The following MCTP1 variants were observed in gnomAD, a reference collection of about 807,000 sequenced individuals.
MCTP1 encodes the protein multiple C2 and transmembrane domain containing 1.
In MCTP1, 69 loss-of-function variants were observed where a neutral mutation model predicts 120.6. The ratio of observed to expected loss-of-function variants is 0.57; its 90% CI spans 0.47 to 0.70. The LOEUF (loss-of-function observed/expected upper bound fraction) is 0.70. Ranked by LOEUF, MCTP1 falls within the 30% of genes least tolerant of loss-of-function variation. The pLI, the probability that MCTP1 is intolerant of heterozygous loss-of-function variation, is 0.00. For missense variants in MCTP1, 1,203 were observed against 1,248.8 expected (o/e 0.96, Z 0.55); for synonymous variants, 529 against 493.1 (o/e 1.07, Z -0.96).
Position 95,213,171 on chromosome 5 carries a change from G to A in MCTP1, c.720+70685C>T, listed in dbSNP as rs1185107554. Among the ~76,000 whole-genome samples the A allele has an allele frequency of 2.0e-5, 3 of 152,246 alleles. No homozygotes were observed. In the East Asian group the frequency reaches 5.8e-4, roughly 29 times the overall value. On this transcript the variant is annotated intron_variant, in intron 1 of 22. Coordinates refer to ENST00000515393, the MANE Select transcript of MCTP1 (RefSeq NM_024717.7). ...GATAAGCAACTTCAGCAAAGTCTCA[G>A]GATACAAAATCAGTGCACAAAATCA...
intron 1 of MCTP1, among the ~76,000 whole-genome samples, chr5:95,099,210 G>A (rs1484897999): frequency 2.6e-5 from 4 of 152,148 alleles, no homozygotes; most frequent in African/African-American, 4.8e-5. Flanking sequence ...ACATAGGCAC[G>A]GGCAAGGACT....
intron 5 of MCTP1, among the ~76,000 whole-genome samples, chr5:94,937,592 A>C (rs764412677): frequency 8.5e-5 from 13 of 152,070 alleles, no homozygotes; most frequent in Admixed American, 2.0e-4. Flanking sequence ...TTTAAAAATA[A>C]GTTTGAGCAA....
chr5:95,240,016 T>C (rs933345108), intron 1 of MCTP1, among the ~76,000 whole-genome samples: 1 of 152,168 alleles, frequency 6.6e-6, no homozygotes, highest in Non-Finnish European at 1.5e-5. Context: ...AAATATACTA[T>C]GATCTCATCT....
At chr5:95,024,635 A>C (rs974179111) in intron 1 of MCTP1, among the ~76,000 whole-genome samples, 1 of 127,170 alleles carries the variant, frequency 7.9e-6, no homozygotes, top group African/African-American at 2.8e-5. Context: ...GAAAGAAATG[A>C]AAGGCATTCA....
chr5:94,847,609 G>T (rs1326582932), intron 17 of MCTP1, among the ~76,000 whole-genome samples: 2 of 150,660 alleles, frequency 1.3e-5, no homozygotes, highest in East Asian at 2.0e-4. Flanking sequence ...GTAGGAGGGG[G>T]TAAAAATCTT....
chr5:94,733,771 C>T (rs907487067), intron 19 of MCTP1, among the ~76,000 whole-genome samples: 1 of 152,026 alleles, frequency 6.6e-6, no homozygotes, highest in Admixed American at 6.6e-5. Context: ...CGAGACCAGC[C>T]TGGCCAATAT....
chr5:95,264,440 C>A (rs1257641034), intron 1 of MCTP1, among the ~76,000 whole-genome samples: 1 of 152,212 alleles, frequency 6.6e-6, no homozygotes, highest in African/African-American at 2.4e-5. Context: ...TCTCCCTCTC[C>A]AAGGCAGTGC....
intron 9 of MCTP1, 90 bp downstream of exon 9, chr5:94,912,716 A>G: frequency 9.8e-7 from 1 of 1,024,906 alleles, no homozygotes; most frequent in South Asian, 2.3e-5. Flanking sequence ...CATTTAAAAC[A>G]TTATCTAGTG....
At chr5:94,953,648 A>G (rs955988906) in intron 2 of MCTP1, among the ~76,000 whole-genome samples, 1 of 150,664 alleles carries the variant, frequency 6.6e-6, no homozygotes, top group East Asian at 1.9e-4. Context: ...TACCCAAAGG[A>G]AAAGAAATCA....
chr5:95,234,976 A>G (rs1389931442), intron 1 of MCTP1, among the ~76,000 whole-genome samples: 1 of 152,120 alleles, frequency 6.6e-6, no homozygotes, highest in Non-Finnish European at 1.5e-5. Flanking sequence ...ATACATCCCA[A>G]CTAATTCTAT....
chr5:95,028,709 A>T (rs975978669), intron 1 of MCTP1, among the ~76,000 whole-genome samples: 2 of 152,264 alleles, frequency 1.3e-5, no homozygotes, highest in Admixed American at 1.3e-4. Flanking sequence ...TAGACCATGT[A>T]AACAGACTTT....
intron 3 of MCTP1, among the ~76,000 whole-genome samples, chr5:94,947,636 T>C (rs1819460117): frequency 1.8e-5 from 2 of 112,060 alleles, no homozygotes; most frequent in Non-Finnish European, 1.9e-5. Context: ...AGAGACAGGG[T>C]CCAGGGTCTC....
At chr5:95,228,215 GAAC>G (rs541366010) in intron 1 of MCTP1, among the ~76,000 whole-genome samples, 12 of 152,098 alleles carry the variant, frequency 7.9e-5, no homozygotes, top group East Asian at 7.7e-4. Flanking sequence ...AAAAGAACAA[GAAC>G]AACAACAACA....
intron 1 of MCTP1, among the ~76,000 whole-genome samples, chr5:95,092,700 AAG>A (rs2152344834): frequency 6.6e-6 from 1 of 152,314 alleles, no homozygotes; most frequent in East Asian, 1.9e-4. Context: ...GAAAAAAAGA[AAG>A]AAAAAGAAAA....
At chr5:94,885,930 G>A (rs756357221) in intron 12 of MCTP1, among the ~76,000 whole-genome samples, 3 of 152,200 alleles carry the variant, frequency 2.0e-5, no homozygotes, top group Non-Finnish European at 2.9e-5. Flanking sequence ...CTCAATGCAT[G>A]TGTATGTGTG....
At chr5:94,977,556 T>C (rs1828399125) in intron 2 of MCTP1, among the ~76,000 whole-genome samples, 1 of 152,118 alleles carries the variant, frequency 6.6e-6, no homozygotes, top group Non-Finnish European at 1.5e-5. Flanking sequence ...GGCATCATAC[T>C]TCCTGATTCA....
chr5:94,980,597 T>C (rs1370667374), intron 2 of MCTP1, among the ~76,000 whole-genome samples: 1 of 152,182 alleles, frequency 6.6e-6, no homozygotes, highest in Non-Finnish European at 1.5e-5. Context: ...CTTCCTCATC[T>C]GAATCTTTAG....
chr5:95,266,527 A>G (rs1304593245), intron 1 of MCTP1, among the ~76,000 whole-genome samples: 1 of 152,240 alleles, frequency 6.6e-6, no homozygotes, highest in Non-Finnish European at 1.5e-5. Context: ...TTACTTGGTC[A>G]TGACTCCAGT....
At chr5:95,124,765 C>G (rs900996926) in intron 1 of MCTP1, among the ~76,000 whole-genome samples, 1 of 152,156 alleles carries the variant, frequency 6.6e-6, no homozygotes, top group African/African-American at 2.4e-5. Context: ...ATGGCTAAAC[C>G]GCTTAGTCCA....
Sources: gnomAD v4.1 joint callset for allele counts (sites outside exome capture counted in the v4.1 genomes callset) on GRCh38, gnomAD v4.1.1 for gene constraint, MANE v1.5 for transcripts, NCBI Gene and HGNC (gene_info 2026-07-23, HGNC 2026-07-21) for gene names.